The following LARGE1 variants were observed in gnomAD, a reference collection of about 807,000 sequenced individuals.
The protein encoded by LARGE1 is LARGE xylosyl- and glucuronyltransferase 1, also known as xylosyl- and glucuronyltransferase LARGE1.
In LARGE1, 43 loss-of-function variants were observed where a neutral mutation model predicts 87.6. The observed-to-expected ratio is 0.49, with a 90% CI of 0.38 to 0.63. LARGE1 has a LOEUF of 0.63. Ranked by LOEUF, LARGE1 falls within the 30% of genes least tolerant of loss-of-function variation. LARGE1 has a pLI of 0.00. For synonymous variants in LARGE1, 434 were observed against 394.6 expected (o/e 1.10, Z -1.18); for missense variants, 802 against 1,000.2 (o/e 0.80, Z 2.67).
exon 12 of LARGE1, chr22:33,163,886 G>C (rs1438719767): frequency 6.6e-6 from 1 of 152,104 alleles, no homozygotes; most frequent in Non-Finnish European, 1.5e-5. Flanking sequence ...TAATTGTGTG[G>C]GCTATCAGTG....
chr22:33,267,619 C>A (rs1285925126), downstream of LARGE1, among the ~76,000 whole-genome samples: 1 of 151,084 alleles, frequency 6.6e-6, no homozygotes, highest in South Asian at 2.1e-4. Context: ...TGACCCAGTA[C>A]CCAGGGACCA....
intron 6 of LARGE1, among the ~76,000 whole-genome samples, chr22:33,535,069 C>T (rs7364205): frequency 0.012 from 1,791 of 152,316 alleles, 39 homozygotes; most frequent in African/African-American, 0.042. Context: ...GTCTGGAGGA[C>T]AGAAAACTGG....
At chr22:33,257,119 CG>C (rs1342225300) in intron 11 of LARGE1, among the ~76,000 whole-genome samples, 2 of 152,110 alleles carry the variant, frequency 1.3e-5, no homozygotes, top group Admixed American at 6.5e-5. Context: ...GCAGGAGAAT[CG>C]ATTGAACCCA....
At chr22:33,744,376 G>T (rs2084001635) in intron 2 of LARGE1, 1 of 150,962 alleles carries the variant, frequency 6.6e-6, no homozygotes, top group African/African-American at 2.4e-5. Context: ...TGACTGCAAA[G>T]CCCCTGTCCG....
At chr22:33,854,121 A>C (rs576689690) in intron 1 of LARGE1, among the ~76,000 whole-genome samples, 1 of 151,916 alleles carries the variant, frequency 6.6e-6, no homozygotes, top group South Asian at 2.1e-4. Flanking sequence ...CATTTGCATC[A>C]AAAACGTGAA....
At chr22:33,749,426 T>C (rs1645430630) in intron 2 of LARGE1, among the ~76,000 whole-genome samples, 1 of 152,196 alleles carries the variant, frequency 6.6e-6, no homozygotes, top group Non-Finnish European at 1.5e-5. Context: ...TGCTCTCCTT[T>C]TTATGGAGAA....
At chr22:33,237,696 G>A (rs1159763706) in intron 11 of LARGE1, among the ~76,000 whole-genome samples, 3 of 152,180 alleles carry the variant, frequency 2.0e-5, no homozygotes, top group Non-Finnish European at 4.4e-5. Context: ...ATGCTAGCAG[G>A]GGAAGAGCAG....
chr22:33,615,837 A>G (rs1331527447), intron 4 of LARGE1, among the ~76,000 whole-genome samples: 4 of 152,236 alleles, frequency 2.6e-5, no homozygotes, highest in Non-Finnish European at 5.9e-5. Flanking sequence ...AGGACAAGTA[A>G]GCCAATAAAA....
chr22:33,644,658 A>C (rs2080550898), intron 3 of LARGE1, among the ~76,000 whole-genome samples: 1 of 152,182 alleles, frequency 6.6e-6, no homozygotes, highest in Admixed American at 6.5e-5. Context: ...TATATTTAGA[A>C]AACCCCATCT....
At chr22:33,404,146 G>A (rs2066017232) in intron 7 of LARGE1, among the ~76,000 whole-genome samples, 3 of 152,168 alleles carry the variant, frequency 2.0e-5, no homozygotes, top group Non-Finnish European at 4.4e-5. Context: ...AAGCTCAGCT[G>A]GGAGATGTGG....
chr22:33,793,364 C>T (rs1004242797), intron 1 of LARGE1, among the ~76,000 whole-genome samples: 3 of 152,140 alleles, frequency 2.0e-5, no homozygotes, highest in Non-Finnish European at 4.4e-5. Flanking sequence ...TCAGTCTCCG[C>T]TCCCACCTGG....
At chr22:33,862,373 G>C (rs920821080) in intron 1 of LARGE1, among the ~76,000 whole-genome samples, 12 of 152,208 alleles carry the variant, frequency 7.9e-5, no homozygotes, top group Admixed American at 3.3e-4. Context: ...GCCTTCCTGG[G>C]GGAGGTTATA....
At chr22:33,254,059 G>A (rs8140859) in intron 11 of LARGE1, among the ~76,000 whole-genome samples, 6 of 152,126 alleles carry the variant, frequency 3.9e-5, no homozygotes, top group African/African-American at 1.4e-4. Flanking sequence ...GCTACCCAAA[G>A]TGGGAGCAAA....
chr22:33,658,519 AT>A (rs2081033238), intron 2 of LARGE1, among the ~76,000 whole-genome samples: 1 of 152,116 alleles, frequency 6.6e-6, no homozygotes. Flanking sequence ...GCTTCCACTT[AT>A]GAGTGAGAAC....
chr22:33,168,503 A>T (rs1922393184), intron 11 of LARGE1, among the ~76,000 whole-genome samples: 1 of 152,240 alleles, frequency 6.6e-6, no homozygotes, highest in Admixed American at 6.5e-5. Context: ...GGCAATTTCC[A>T]ATGAGAAAAA....
intron 5 of LARGE1, among the ~76,000 whole-genome samples, chr22:33,590,586 C>T (rs1172977370): frequency 6.6e-6 from 1 of 152,196 alleles, no homozygotes; most frequent in African/African-American, 2.4e-5. Flanking sequence ...CCCTCTGGCT[C>T]CTATTAACTC....
chr22:33,225,068 G>A (rs1925663552), intron 11 of LARGE1, among the ~76,000 whole-genome samples: 1 of 152,186 alleles, frequency 6.6e-6, no homozygotes, highest in South Asian at 2.1e-4. Context: ...GGGCTGTCAG[G>A]GATGTCAAAT....
At chr22:33,801,366 A>G (rs182831967) in intron 1 of LARGE1, among the ~76,000 whole-genome samples, 3 of 152,218 alleles carry the variant, frequency 2.0e-5, no homozygotes, top group Non-Finnish European at 1.5e-5. Context: ...CAACCTCACC[A>G]GCATCTGATA....
the LARGE1 span, among the ~76,000 whole-genome samples, chr22:33,074,744 A>C: frequency 6.6e-6 from 1 of 152,284 alleles, no homozygotes; most frequent in South Asian, 2.1e-4. Context: ...TAATAAGCAG[A>C]TCTACAGAGG....
Sources: gnomAD v4.1 joint callset for allele counts (sites outside exome capture counted in the v4.1 genomes callset) on GRCh38, gnomAD v4.1.1 for gene constraint, MANE v1.5 for transcripts, NCBI Gene and HGNC (gene_info 2026-07-23, HGNC 2026-07-21) for gene names.